GRXCR1: variants seen among roughly 807,000 people sequenced by gnomAD.
The protein encoded by GRXCR1 is glutaredoxin and cysteine rich domain containing 1.
In GRXCR1, 27 loss-of-function variants were observed where a neutral mutation model predicts 27.3. The ratio of observed to expected loss-of-function variants is 0.99; its 90% CI spans 0.73 to 1.37. The LOEUF (loss-of-function observed/expected upper bound fraction) is 1.37. Among genes scored for constraint, GRXCR1 ranks in the 40% most tolerant of loss-of-function variants. The pLI, the probability that GRXCR1 is intolerant of heterozygous loss-of-function variation, is 0.00. For missense variants in GRXCR1, 379 were observed against 354.4 expected (o/e 1.07, Z -0.56); for synonymous variants, 122 against 131.1 (o/e 0.93, Z 0.47).
chr4:42,991,214 T>C (rs1711961504), intron 2 of GRXCR1, among the ~76,000 whole-genome samples: 1 of 152,066 alleles, frequency 6.6e-6, no homozygotes, highest in Non-Finnish European at 1.5e-5. Flanking sequence ...AAATTGTTTT[T>C]CTTTTCTTGT....
chr4:42,916,923 C>G (rs1046934601), intron 1 of GRXCR1, among the ~76,000 whole-genome samples: 3 of 151,988 alleles, frequency 2.0e-5, no homozygotes, highest in East Asian at 3.9e-4. Flanking sequence ...TAAGGAAGAA[C>G]CTTATGTAAG....
chr4:42,919,175 A>G (rs1746951682), intron 1 of GRXCR1, among the ~76,000 whole-genome samples: 1 of 152,154 alleles, frequency 6.6e-6, no homozygotes, highest in Admixed American at 6.6e-5. Context: ...CGGGGCCTAT[A>G]GTTCTTCAGG....
chr4:42,970,614 G>A (rs143960946), intron 2 of GRXCR1, among the ~76,000 whole-genome samples: 1 of 152,130 alleles, frequency 6.6e-6, no homozygotes. Flanking sequence ...CTGGGATGTA[G>A]AGCAACATGT....
intron 1 of GRXCR1, among the ~76,000 whole-genome samples, chr4:42,957,668 C>G (rs1274766290): frequency 1.3e-5 from 2 of 151,682 alleles, no homozygotes; most frequent in Admixed American, 6.6e-5. Flanking sequence ...AGCCTGTCTT[C>G]AAGTTCACTA....
chr4:42,924,191 C>G (rs1309166354), intron 1 of GRXCR1, among the ~76,000 whole-genome samples: 1 of 152,102 alleles, frequency 6.6e-6, no homozygotes, highest in Non-Finnish European at 1.5e-5. Context: ...TCTTACAATT[C>G]ACTTTCAAAT....
chr4:42,958,838 AC>A (rs1463206142), intron 1 of GRXCR1, among the ~76,000 whole-genome samples: 1 of 152,000 alleles, frequency 6.6e-6, no homozygotes, highest in African/African-American at 2.4e-5. Flanking sequence ...TAATATGGAA[AC>A]CACAATGGGA....
chr4:42,907,912 G>C (rs149767533), intron 1 of GRXCR1, among the ~76,000 whole-genome samples: 131 of 152,274 alleles, frequency 8.6e-4, no homozygotes, highest in African/African-American at 2.9e-3. Context: ...GAGTAATGGT[G>C]AATATGCTCC....
rs745784596 is a variant in GRXCR1 at position 42,990,173 on chromosome 4, C to CTTTTTTTTTTTT, written c.627+27064_627+27075dup. On this transcript the variant is annotated intron_variant, in intron 2 of 3. Coordinates refer to ENST00000399770, the MANE Select transcript of GRXCR1 (RefSeq NM_001080476.3). ...AACTTCTTGAATTGAATTATTAGTT[C>CTTTTTTTTTTTT]TTTTTTTTTTTTTTTTTTTTTTTTT... Among the ~76,000 whole-genome samples, 33 of 46,230 alleles carry CTTTTTTTTTTTT rather than the reference C, an allele frequency of 7.1e-4. 13 individuals carry two copies. Among genetic ancestry groups the CTTTTTTTTTTTT allele is most frequent in the Non-Finnish European group, 8.8e-4 (23 of 26,052 alleles). 30.3% of individuals were successfully genotyped at this position (46,230 alleles called of 152,430 possible).
chr4:42,907,761 C>A (rs1450245671), intron 1 of GRXCR1, among the ~76,000 whole-genome samples: 1 of 152,170 alleles, frequency 6.6e-6, no homozygotes, highest in African/African-American at 2.4e-5. Flanking sequence ...CCCAAAGTGA[C>A]TAGATGTCAG....
chr4:42,987,038 G>T (rs1286138446), intron 2 of GRXCR1, among the ~76,000 whole-genome samples: 6 of 144,412 alleles, frequency 4.2e-5, no homozygotes, highest in Non-Finnish European at 9.1e-5. Flanking sequence ...GTGTGTTTAG[G>T]GGGTAAGTGT....
chr4:42,949,121 T>G (rs1460866394), intron 1 of GRXCR1, among the ~76,000 whole-genome samples: 1 of 151,950 alleles, frequency 6.6e-6, no homozygotes, highest in Admixed American at 6.6e-5. Context: ...TTTGGGAGGC[T>G]AAGGTGGGCA....
chr4:42,933,419 C>A (rs1010145797), intron 1 of GRXCR1, among the ~76,000 whole-genome samples: 2 of 151,894 alleles, frequency 1.3e-5, no homozygotes, highest in Admixed American at 1.3e-4. Flanking sequence ...CCCACCCCCT[C>A]ATAACTCTCA....
At chr4:42,945,078 G>T (rs2109765198) in intron 1 of GRXCR1, among the ~76,000 whole-genome samples, 1 of 152,248 alleles carries the variant, frequency 6.6e-6, no homozygotes, top group South Asian at 2.1e-4. Context: ...TCTTATAAAA[G>T]AGGCCAAGGG....
At position 43,030,231 on chromosome 4, in the gene GRXCR1, C is replaced by T. The variant is rs918135201; in HGVS notation, c.694-130C>T. The T allele has an allele frequency of 3.7e-5, 29 of 780,580 alleles. No individual in the cohort carries two copies. The Admixed American group carries it at 5.6e-4, about 15-fold the overall frequency. The allele number at this position is 780,580 out of a possible 1,614,324, so 48.4% of individuals were successfully genotyped here. A position where few individuals can be genotyped will look rare whatever the true frequency, so the allele number is the denominator to read the frequency against. On this transcript the variant is annotated intron_variant, in intron 3 of 3. Coordinates refer to ENST00000399770, the MANE Select transcript of GRXCR1 (RefSeq NM_001080476.3). ...AATGTGTATTAATGGTAGGTGAATT[C>T]AAGTGTATAGCCATATTATGCCAAT...
chr4:42,984,985 A>G (rs1711660563), intron 2 of GRXCR1, among the ~76,000 whole-genome samples: 1 of 152,136 alleles, frequency 6.6e-6, no homozygotes, highest in Non-Finnish European at 1.5e-5. Flanking sequence ...TTGGGGTCCA[A>G]GGCAAAGTCT....
At chr4:42,920,159 A>T (rs1746975973) in intron 1 of GRXCR1, among the ~76,000 whole-genome samples, 1 of 152,164 alleles carries the variant, frequency 6.6e-6, no homozygotes, top group Admixed American at 6.6e-5. Context: ...TAGACAAATG[A>T]CAAATGACTT....
intron 1 of GRXCR1, among the ~76,000 whole-genome samples, chr4:42,945,298 A>G (rs1429042421): frequency 6.6e-6 from 1 of 152,158 alleles, no homozygotes; most frequent in East Asian, 1.9e-4. Flanking sequence ...ACAGTTGCTC[A>G]TGACAGAAAT....
intron 2 of GRXCR1, among the ~76,000 whole-genome samples, chr4:43,000,465 G>C (rs1712315099): frequency 8.4e-6 from 1 of 118,540 alleles, no homozygotes; most frequent in Admixed American, 9.3e-5. Context: ...ACAGAGCGAG[G>C]CTCTATCTTA....
At chr4:42,982,205 C>G (rs1370702584) in intron 2 of GRXCR1, among the ~76,000 whole-genome samples, 2 of 148,104 alleles carry the variant, frequency 1.4e-5, no homozygotes, top group East Asian at 2.1e-4. Flanking sequence ...TCCCTCCCCC[C>G]TCCCCCTACC....
Sources: gnomAD v4.1 joint callset for allele counts (sites outside exome capture counted in the v4.1 genomes callset) on GRCh38, gnomAD v4.1.1 for gene constraint, MANE v1.5 for transcripts, NCBI Gene and HGNC (gene_info 2026-07-23, HGNC 2026-07-21) for gene names.